Variants in LPP observed in about 807,000 individuals in gnomAD.
LPP encodes the protein LIM domain containing preferred translocation partner in lipoma.
LPP carries 38 observed loss-of-function variants against 60.4 expected under a neutral mutation model. That is an observed-to-expected ratio of 0.63 (90% CI 0.49 to 0.83). The LOEUF (loss-of-function observed/expected upper bound fraction) is 0.83. Among genes scored for constraint, LPP ranks in the 40% least tolerant of loss-of-function variants. The pLI, the probability that LPP is intolerant of heterozygous loss-of-function variation, is 0.00. For missense variants in LPP, 902 were observed against 783.6 expected, an observed-to-expected ratio of 1.15 and a Z score of -1.80; for synonymous variants, 328 against 290.8, an observed-to-expected ratio of 1.13 and a Z score of -1.30.
At chr3:188,592,266 T>A (rs932796608) in intron 6 of LPP, among the ~76,000 whole-genome samples, 4 of 152,024 alleles carry the variant, frequency 2.6e-5, no homozygotes, top group African/African-American at 9.7e-5. Flanking sequence ...TCTGATATAA[T>A]GTTAAATGAA....
At chr3:188,546,233 T>C (rs752137534) in intron 6 of LPP, among the ~76,000 whole-genome samples, 4 of 152,188 alleles carry the variant, frequency 2.6e-5, no homozygotes, top group Non-Finnish European at 5.9e-5. Flanking sequence ...GGCAATCTAG[T>C]TCTGGATCCC....
chr3:188,443,327 G>T (rs1794482972), intron 4 of LPP, among the ~76,000 whole-genome samples: 1 of 152,226 alleles, frequency 6.6e-6, no homozygotes, highest in Admixed American at 6.5e-5. Flanking sequence ...CATAGCTTCA[G>T]TCTGATGCCA....
intron 3 of LPP, among the ~76,000 whole-genome samples, chr3:188,348,815 G>C (rs1259630280): frequency 1.3e-5 from 2 of 152,216 alleles, no homozygotes; most frequent in African/African-American, 4.8e-5. Flanking sequence ...TTGCTGTGGT[G>C]TGCTGACAAT....
chr3:188,673,160 A>G (rs1287072668), intron 7 of LPP, among the ~76,000 whole-genome samples: 1 of 152,170 alleles, frequency 6.6e-6, no homozygotes, highest in African/African-American at 2.4e-5. Flanking sequence ...TTCAAGTAAA[A>G]GAAAGCTTAT....
rs115435009 is a variant in LPP at position 188,557,808 on chromosome 3, C to T, written c.429+33021C>T. Among the ~76,000 whole-genome samples the T allele has an allele frequency of 2.5e-3, 380 of 152,124 alleles. 4 individuals are homozygous for T. The highest frequency in any genetic ancestry group is 8.7e-3 in the African/African-American group (362 of 41,536). On this transcript the variant is annotated intron_variant, in intron 6 of 11. Coordinates refer to ENST00000617246, the MANE Select transcript of LPP (RefSeq NM_001375462.1). The stretch of plus-strand genomic sequence containing the variant: ...CAGAATGTGCATATGAATGTTCTGG[C>T]GCTCTCTTTTCTGTACTTGTAATAA...
chr3:188,397,420 T>G (rs1437961423), intron 3 of LPP, among the ~76,000 whole-genome samples: 1 of 152,172 alleles, frequency 6.6e-6, no homozygotes, highest in East Asian at 1.9e-4. Context: ...TTTTTTTCCT[T>G]GACTGATAGA....
chr3:188,556,427 C>T (rs916620244), intron 6 of LPP, among the ~76,000 whole-genome samples: 13 of 152,106 alleles, frequency 8.5e-5, no homozygotes, highest in Admixed American at 6.6e-4. Flanking sequence ...TAAACATATA[C>T]CATAGTGTCT....
chr3:188,172,063 G>T (rs1165827833), intron 1 of LPP, among the ~76,000 whole-genome samples: 11 of 152,202 alleles, frequency 7.2e-5, no homozygotes, highest in African/African-American at 2.7e-4. Flanking sequence ...TGGTAACCTC[G>T]GCGAGGTTTG....
In LPP at chr3:188,609,657, G is replaced by A. The variant is rs146859876; in HGVS notation, c.926G>A (p.Gly309Asp). Residue 309 changes from glycine to aspartate, a missense_variant, in exon 7 of 12, where the codon GGC becomes GAC. Physicochemically the swap from Gly to Asp is moderately conservative, Grantham distance 94 (BLOSUM62 -1). Transcript: ENST00000617246. This position sits in a 1 kb window ranked among gnomAD's most constrained non-coding sequence, Gnocchi z 6.9. ...TATGCAGCAGGGCCAGGCTATGGGGGCAGAAATGACTCTGACCCTACCTAT... is the reference window on the plus strand; with the variant it reads ...TATGCAGCAGGGCCAGGCTATGGGGACAGAAATGACTCTGACCCTACCTAT... ...GYYAAGPGYG[G>D]RNDSDPTYGQ... The A allele has an allele frequency of 1.7e-3, 2,761 of 1,614,118 alleles. 9 individuals are homozygous for A. The highest frequency in any genetic ancestry group is 0.013 in the Middle Eastern group (78 of 6,060).
intron 1 of LPP, among the ~76,000 whole-genome samples, chr3:188,211,749 C>T (rs1489529827): frequency 7.2e-5 from 11 of 152,090 alleles, no homozygotes. Flanking sequence ...ATGAAGGACT[C>T]ATGCCAAATT....
intron 7 of LPP, among the ~76,000 whole-genome samples, chr3:188,682,842 A>G (rs535898478): frequency 5.9e-5 from 9 of 152,268 alleles, no homozygotes; most frequent in African/African-American, 2.2e-4. Context: ...GAGACAGAGA[A>G]GGGCAACTCT....
chr3:188,353,916 G>A (rs1766719964), intron 3 of LPP, among the ~76,000 whole-genome samples: 1 of 151,606 alleles, frequency 6.6e-6, no homozygotes, highest in Admixed American at 6.6e-5. Context: ...AAGGCACTCT[G>A]CCCTAAATGA....
At chr3:188,712,973 T>A (rs1237674814) in intron 8 of LPP, 1 of 152,234 alleles carries the variant, frequency 6.6e-6, no homozygotes, top group Non-Finnish European at 1.5e-5. Flanking sequence ...TTAACAGTTT[T>A]ATTTATATTG....
At chr3:188,381,727 G>A (rs1421793750) in intron 3 of LPP, among the ~76,000 whole-genome samples, 2 of 152,100 alleles carry the variant, frequency 1.3e-5, no homozygotes, top group Non-Finnish European at 2.9e-5. Context: ...CAAATGAATC[G>A]CCTTATAGTT....
intron 7 of LPP, among the ~76,000 whole-genome samples, chr3:188,624,455 T>C (rs1846381273): frequency 6.6e-6 from 1 of 152,202 alleles, no homozygotes; most frequent in Non-Finnish European, 1.5e-5. Context: ...CTGTCGTTCT[T>C]GAAACCTTTG....
chr3:188,854,717 C>T (rs1466444184), intron 9 of LPP, among the ~76,000 whole-genome samples: 3 of 152,202 alleles, frequency 2.0e-5, no homozygotes, highest in East Asian at 1.9e-4. Context: ...TTCAAAGAAG[C>T]TTTTCTATCA....
chr3:188,354,898 C>T (rs560174449), intron 3 of LPP, among the ~76,000 whole-genome samples: 7 of 152,268 alleles, frequency 4.6e-5, no homozygotes, highest in Admixed American at 3.3e-4. Context: ...TTCCTCAATT[C>T]AAACCTGTCT....
intron 7 of LPP, chr3:188,688,642 A>T (rs1032748375): frequency 5.2e-6 from 2 of 385,816 alleles, no homozygotes; most frequent in Non-Finnish European, 1.0e-5. Context: ...GTGAAGTCAG[A>T]TGAGTAATAT....
At chr3:188,462,588 A>ATGTGTG (rs71169003) in intron 4 of LPP, among the ~76,000 whole-genome samples, 14 of 58,274 alleles carry the variant, frequency 2.4e-4, no homozygotes, top group African/African-American at 7.6e-4. Context: ...ATATATATGC[A>ATGTGTG]TGTGTGTGTG....
Sources: allele counts gnomAD v4.1 joint callset (sites outside exome capture counted in the v4.1 genomes callset), GRCh38; gene constraint gnomAD v4.1.1; non-coding constraint Gnocchi (gnomAD v3.1); transcripts MANE v1.5; gene names NCBI Gene and HGNC (gene_info 2026-07-23, HGNC 2026-07-21).